The following TGFBRAP1 variants were observed in gnomAD, a reference collection of about 807,000 sequenced individuals.
The protein encoded by TGFBRAP1 is transforming growth factor beta receptor associated protein 1, also known as transforming growth factor-beta receptor-associated protein 1.
A neutral mutation model predicts 83.2 loss-of-function variants in TGFBRAP1; 20 were observed. The ratio of observed to expected loss-of-function variants is 0.24; its 90% CI spans 0.17 to 0.35. The LOEUF (loss-of-function observed/expected upper bound fraction) is 0.35. TGFBRAP1 is among the 10% of genes least tolerant of loss of function. The pLI, the probability that TGFBRAP1 is intolerant of heterozygous loss-of-function variation, is 1.00. For synonymous variants in TGFBRAP1, 415 were observed against 459.8 expected, an observed-to-expected ratio of 0.90 and a Z score of 1.25; for missense variants, 950 against 1,099.4, an observed-to-expected ratio of 0.86 and a Z score of 1.92.
rs760550026 is a variant in TGFBRAP1 at position 105,296,391 on chromosome 2, C to G, written c.1003G>C (p.Gly335Arg). 1 of 1,613,824 alleles carries G rather than the reference C, an allele frequency of 6.2e-7. No individual in the cohort carries two copies. The highest frequency in any genetic ancestry group is 1.3e-5 in the African/African-American group (1 of 74,906). Residue 335 changes from glycine (G) to arginine (R), a missense_variant, in exon 4 of 12, where the codon GGA becomes CGA. Transcript: ENST00000393359. Reference sequence around the variant, plus strand: ...TCCTTTGGAATGTTCCTCCGGGCTCCTTTTGCTAAAACCAAAGCCTCTTCT... The same window carrying G: ...TCCTTTGGAATGTTCCTCCGGGCTCGTTTTGCTAAAACCAAAGCCTCTTCT... ...RVEEALVLAK[G>R]ARRNIPKEKF...
chr2:105,297,398 G>A (rs917678656), intron 3 of TGFBRAP1, among the ~76,000 whole-genome samples: 8 of 152,108 alleles, frequency 5.3e-5, no homozygotes, highest in Admixed American at 5.2e-4. Context: ...CCCTGAGCCC[G>A]ACTCTACCAC....
In TGFBRAP1 at chr2:105,301,969, T is replaced by C. The variant is rs1251075536; in HGVS notation, c.689-3264A>G. Among the ~76,000 whole-genome samples the C allele has an allele frequency of 4.4e-5, 5 of 114,612 alleles. No homozygotes were observed. In the Admixed American group the frequency reaches 5.4e-4, roughly 12 times the overall value. 75.2% of individuals were successfully genotyped at this position (114,612 alleles called of 152,430 possible). ...TATGGAAACAAATACCTGAAACTTATATAACAGAGAAGTTGGTATCTCAAA... is the reference window on the plus strand; with the variant it reads ...TATGGAAACAAATACCTGAAACTTACATAACAGAGAAGTTGGTATCTCAAA... On this transcript the variant is annotated intron_variant, in intron 2 of 11. Coordinates refer to ENST00000393359, the MANE Select transcript of TGFBRAP1 (RefSeq NM_004257.6).
At chr2:105,268,329 A>C (rs771032750) in intron 11 of TGFBRAP1, among the ~76,000 whole-genome samples, 60 of 152,204 alleles carry the variant, frequency 3.9e-4, no homozygotes, top group Non-Finnish European at 5.7e-4. Context: ...CAAAGAACCC[A>C]AACTCTAATA....
intron 6 of TGFBRAP1, among the ~76,000 whole-genome samples, chr2:105,279,014 C>T (rs779363699): frequency 2.0e-5 from 3 of 151,996 alleles, no homozygotes; most frequent in African/African-American, 7.3e-5. Context: ...AGTTCATCCA[C>T]GCTTTTGTCA....
chr2:105,310,851 C>CTT, intron 1 of TGFBRAP1, among the ~76,000 whole-genome samples: 1 of 152,092 alleles, frequency 6.6e-6, no homozygotes. Flanking sequence ...ATTGATTAAT[C>CTT]AATCAGGGTT....
chr2:105,252,163 T>TAAAA, the TGFBRAP1 span, among the ~76,000 whole-genome samples: 1 of 152,028 alleles, frequency 6.6e-6, no homozygotes, highest in Non-Finnish European at 1.5e-5. Flanking sequence ...TAAAATAAAA[T>TAAAA]AAAATACTGC....
intron 1 of TGFBRAP1, among the ~76,000 whole-genome samples, chr2:105,320,156 C>CA (rs1420120417): frequency 6.6e-6 from 1 of 152,044 alleles, no homozygotes. Context: ...TACGTGTCTG[C>CA]AAAAAACCCT....
chr2:105,275,499 T>C, intron 8 of TGFBRAP1, 61 bp downstream of exon 8: 1 of 1,586,150 alleles, frequency 6.3e-7, no homozygotes, highest in Non-Finnish European at 8.6e-7. Context: ...AGCAAAGCTT[T>C]TGGGGTCTGT....
At chr2:105,303,411 A>G (rs960581383) in intron 2 of TGFBRAP1, among the ~76,000 whole-genome samples, 1 of 152,202 alleles carries the variant, frequency 6.6e-6, no homozygotes, top group Non-Finnish European at 1.5e-5. Flanking sequence ...CTGAAACCAG[A>G]CCCAGGGCAA....
chr2:105,268,833 C>T (rs979765836), intron 11 of TGFBRAP1, among the ~76,000 whole-genome samples: 3 of 152,236 alleles, frequency 2.0e-5, no homozygotes, highest in African/African-American at 7.2e-5. Context: ...GCTCTGGGCA[C>T]GCCCATTTCC....
downstream of TGFBRAP1, among the ~76,000 whole-genome samples, chr2:105,259,968 G>C (rs1676751392): frequency 6.6e-6 from 1 of 151,682 alleles, no homozygotes; most frequent in African/African-American, 2.4e-5. Flanking sequence ...GCTGATATAG[G>C]GTTATATTTT....
At position 105,280,597 on chromosome 2, in the gene TGFBRAP1, C is replaced by T; in HGVS notation, c.1248G>A (p.Gly416=). The T allele has an allele frequency of 6.2e-7, 1 of 1,614,056 alleles. No individual in the cohort carries two copies. The highest frequency in any genetic ancestry group is 8.5e-7 in the Non-Finnish European group (1 of 1,180,020). The change falls in exon 6 of 12, where the codon GGG becomes GGA. Residue 416 remains glycine (G), a synonymous_variant. Transcript: ENST00000393359. ...EYADLNQLTQ[G]DQEKMAKCKR... ...TGCACTTGGCCATCTTCTCCTGGTC[C>T]CCCTGGGTCAGCTGGTTCAGGTCTG...
At chr2:105,274,568 T>C (rs1250323367) in intron 8 of TGFBRAP1, among the ~76,000 whole-genome samples, 1 of 152,234 alleles carries the variant, frequency 6.6e-6, no homozygotes, top group African/African-American at 2.4e-5. Flanking sequence ...CCGTGCAGTA[T>C]CTGCTGTTAT....
At chr2:105,261,244 A>G (rs77326999), downstream of TGFBRAP1, among the ~76,000 whole-genome samples, 4 of 152,282 alleles carry the variant, frequency 2.6e-5, no homozygotes, top group East Asian at 7.7e-4. Context: ...ATGTGTGGGC[A>G]ACCAGACAGA....
intron 2 of TGFBRAP1, among the ~76,000 whole-genome samples, chr2:105,304,817 G>A (rs1573203199): frequency 6.6e-6 from 1 of 152,214 alleles, no homozygotes; most frequent in East Asian, 1.9e-4. Flanking sequence ...ATGACTAAGC[G>A]AAAGAAGCCA....
chr2:105,313,600 A>C (rs1678760410), intron 1 of TGFBRAP1, among the ~76,000 whole-genome samples: 1 of 152,232 alleles, frequency 6.6e-6, no homozygotes, highest in South Asian at 2.1e-4. Flanking sequence ...TAAAACTTTG[A>C]TATTCAAGCC....
intron 1 of TGFBRAP1, among the ~76,000 whole-genome samples, chr2:105,311,768 G>A (rs184000233): frequency 1.3e-5 from 2 of 151,968 alleles, no homozygotes; most frequent in Admixed American, 1.3e-4. Context: ...AGTTAGCCAG[G>A]CATGGTGGCG....
intron 1 of TGFBRAP1, among the ~76,000 whole-genome samples, chr2:105,312,746 T>G (rs1678733929): frequency 6.6e-6 from 1 of 152,238 alleles, no homozygotes. Flanking sequence ...AATGTAAAAA[T>G]ACAAATCTTT....
In TGFBRAP1 at chr2:105,269,446, G is replaced by A. The variant is rs370880664; in HGVS notation, c.2232C>T (p.His744=). The A allele has an allele frequency of 5.1e-5, 83 of 1,613,660 alleles. No individual in the cohort carries two copies. The highest frequency in any genetic ancestry group is 6.4e-5 in the Non-Finnish European group (76 of 1,179,962). ...AVAAVDLLNR[H]ATEFDAAQVL... ...CCTGGGCTGCATCAAATTCGGTGGCGTGGCGGTTCAGCAGGTCCACGGCAG... is the reference window on the plus strand; with the variant it reads ...CCTGGGCTGCATCAAATTCGGTGGCATGGCGGTTCAGCAGGTCCACGGCAG... Residue 744 remains histidine, a synonymous_variant, in exon 11 of 12, where the codon CAC becomes CAT. Coordinates refer to ENST00000393359, the MANE Select transcript of TGFBRAP1 (RefSeq NM_004257.6). This position sits in a 1 kb window ranked among gnomAD's most constrained non-coding sequence, Gnocchi z 4.1.
Sources: allele counts gnomAD v4.1 joint callset (sites outside exome capture counted in the v4.1 genomes callset), GRCh38; gene constraint gnomAD v4.1.1; non-coding constraint Gnocchi (gnomAD v3.1); transcripts MANE v1.5; gene names NCBI Gene and HGNC (gene_info 2026-07-23, HGNC 2026-07-21).